The following CEP85 variants were observed in gnomAD, a reference collection of about 807,000 sequenced individuals.
CEP85 encodes centrosomal protein of 85 kDa.
A neutral mutation model predicts 93.7 loss-of-function variants in CEP85; 58 were observed. The ratio of observed to expected loss-of-function variants is 0.62; its 90% CI spans 0.50 to 0.77. The LOEUF is 0.77. CEP85 is among the 30% of genes least tolerant of loss of function. CEP85 has a pLI of 0.00. For missense variants in CEP85, 868 were observed against 922.0 expected, an observed-to-expected ratio of 0.94 and a Z score of 0.76; for synonymous variants, 314 against 338.6, an observed-to-expected ratio of 0.93 and a Z score of 0.80.
rs1192252673 is a variant in CEP85 at position 26,235,567 on chromosome 1, C to CTTTTT, written c.-23+1273_-23+1277dup. On this transcript the variant is annotated intron_variant, in intron 1 of 13. Transcript: ENST00000451429. ...GATGTTCCACACTTAGATTGTAATT[C>CTTTTT]TTTTTTTTTTTTTTTTTTTTGTGAG... 6.6e-3 allele frequency among the ~76,000 whole-genome samples: 633 copies of CTTTTT among 95,380 alleles called. 12 individuals are homozygous for CTTTTT. Among genetic ancestry groups the CTTTTT allele is most frequent in the African/African-American group, 0.013 (299 of 22,680 alleles). The allele number at this position is 95,380 out of a possible 152,430, so 62.6% of individuals were successfully genotyped here.
intron 5 of CEP85, 151 bp from the exon 6 acceptor site, chr1:26,257,992 G>T: frequency 1.4e-6 from 1 of 724,466 alleles, no homozygotes; most frequent in Non-Finnish European, 2.4e-6. Context: ...CATTTCCCCA[G>T]TTATCTTTCT....
chr1:26,264,448 G>A (rs1181394302), intron 7 of CEP85, among the ~76,000 whole-genome samples: 2 of 152,136 alleles, frequency 1.3e-5, no homozygotes, highest in South Asian at 2.1e-4. Flanking sequence ...CAGGAGAATC[G>A]CTTGAACCTG....
chr1:26,252,733 G>A (rs957452034), intron 3 of CEP85, among the ~76,000 whole-genome samples: 2 of 151,948 alleles, frequency 1.3e-5, no homozygotes, highest in African/African-American at 2.4e-5. Context: ...GTTTTGTTAC[G>A]TGTGTGTGTG....
chr1:26,255,883 CT>C lies in CEP85; in HGVS notation c.903+20del. 6.4e-7 allele frequency: 1 copy of C among 1,573,526 alleles called. No homozygotes were observed. The highest frequency in any genetic ancestry group is 8.6e-7 in the Non-Finnish European group (1 of 1,156,468). Reference sequence around the variant, plus strand: ...AAATGCAGGTAGAGGTCTATCTTTCCTTGGATTTTCTAGGTTCTGTACAGTT... The same window carrying C: ...AAATGCAGGTAGAGGTCTATCTTTCCTGGATTTTCTAGGTTCTGTACAGTT... On this transcript the variant is annotated intron_variant, in intron 4 of 13. Transcript: ENST00000451429.
At position 26,243,770 on chromosome 1, in the gene CEP85, C is replaced by T. The variant is rs113160272; in HGVS notation, c.56-396C>T. Among the ~76,000 whole-genome samples the T allele has an allele frequency of 9.2e-3, 1,405 of 152,082 alleles. 19 individuals carry two copies. The highest frequency in any genetic ancestry group is 0.032 in the African/African-American group (1,340 of 41,480). On this transcript the variant is annotated intron_variant, in intron 2 of 13. Coordinates refer to ENST00000451429, the MANE Select transcript of CEP85 (RefSeq NM_001319944.2). ...ATCCCAGCACTTTGGGAGGCCAAGG[C>T]GGGTGGATTATGAGATCAGGAGTTC...
At chr1:26,274,692 G>T (rs1286224462) in intron 11 of CEP85, among the ~76,000 whole-genome samples, 1 of 152,146 alleles carries the variant, frequency 6.6e-6, no homozygotes, top group Non-Finnish European at 1.5e-5. Context: ...CTGGCCATGT[G>T]GAGGGTGGAA....
intron 1 of CEP85, among the ~76,000 whole-genome samples, chr1:26,236,987 A>G (rs2089336731): frequency 1.3e-5 from 2 of 152,220 alleles, no homozygotes; most frequent in South Asian, 2.1e-4. Flanking sequence ...AGTAGGCTTT[A>G]GAGAGAATAG....
At chr1:26,256,219 G>C (rs371150714) in intron 4 of CEP85, among the ~76,000 whole-genome samples, 6 of 152,262 alleles carry the variant, frequency 3.9e-5, no homozygotes, top group East Asian at 3.9e-4. Flanking sequence ...ATCTGTACGG[G>C]GTCATAGAGT....
intron 3 of CEP85, among the ~76,000 whole-genome samples, chr1:26,251,616 G>T (rs1406802406): frequency 6.6e-6 from 1 of 152,070 alleles, no homozygotes; most frequent in African/African-American, 2.4e-5. Context: ...TCTATTATGA[G>T]GCTTCTACCC....
At chr1:26,264,629 C>G (rs1570025566) in intron 7 of CEP85, among the ~76,000 whole-genome samples, 1 of 152,184 alleles carries the variant, frequency 6.6e-6, no homozygotes, top group East Asian at 1.9e-4. Flanking sequence ...CAGACTTAGA[C>G]TACCCTTTTC....
At position 26,259,799 on chromosome 1, in the gene CEP85, A is replaced by G. The variant is rs1257302807; in HGVS notation, c.1338A>G (p.Glu446=). 1.2e-6 allele frequency: 2 copies of G among 1,610,680 alleles called. No individual in the cohort carries two copies. The highest frequency in any genetic ancestry group is 1.7e-5 in the Admixed American group (1 of 59,284). Residue 446 remains glutamate (E), a synonymous_variant, in exon 7 of 14, where the codon GAA becomes GAG. Transcript: ENST00000451429. ...CTGAGGAAGTGAAGAAACAGGAAGA[A>G]AGGGTGAGCTGAGTAGCTGATAGCC... ...KHSEEVKKQE[E]RVKGRDKHIN... is the part of the protein sequence containing the mutation.
chr1:26,269,723 T>A (rs1395481397), intron 9 of CEP85, 109 bp downstream of exon 9: 8 of 824,810 alleles, frequency 9.7e-6, no homozygotes, highest in Middle Eastern at 3.3e-4. Flanking sequence ...TCATTTTACT[T>A]ATCTGAGCTT....
intron 2 of CEP85, among the ~76,000 whole-genome samples, chr1:26,242,539 G>A (rs542301709): frequency 6.6e-6 from 1 of 152,286 alleles, no homozygotes; most frequent in East Asian, 1.9e-4. Context: ...AAGTCAGGTT[G>A]CCTTCAGTAG....
In CEP85 at chr1:26,268,528, C is replaced by T. The variant is rs747297368; in HGVS notation, c.1387C>T (p.Gln463Ter). 6.2e-7 allele frequency: 1 copy of T among 1,613,964 alleles called. No homozygotes were observed. The highest frequency in any genetic ancestry group is 1.3e-5 in the African/African-American group (1 of 74,990). Residue 463 changes from glutamine (Q) to a stop codon, truncating the protein, a stop_gained, in exon 8 of 14, where the codon CAG (glutamine) becomes TAG (stop). Transcript: ENST00000451429. LOFTEE classifies it high-confidence loss of function. ...KHINNLKKKCQKESEQNREKQ... is the reference protein window; with the variant it reads ...KHINNLKKKC ...TATCAATAATTTGAAAAAGAAATGC[C>T]AGAAGGAATCAGAGCAGAACCGGGA... is the stretch of plus-strand genomic sequence containing the variant.
chr1:26,244,239 G>A lies in CEP85; in HGVS notation c.129G>A (p.Arg43=). Residue 43 remains arginine, a synonymous_variant, in exon 3 of 14, where the codon CGG becomes CGA. Coordinates refer to ENST00000451429, the MANE Select transcript of CEP85 (RefSeq NM_001319944.2). The part of the protein sequence containing the change: ...WQTPVISEPF[R]SRFSRCSSVA... The stretch of plus-strand genomic sequence containing the variant: ...CCCCAGTTATCTCGGAGCCCTTTCG[G>A]AGCCGCTTCAGCCGCTGTTCAAGTG... 6.2e-7 allele frequency: 1 copy of A among 1,613,942 alleles called. No homozygotes were observed. The highest frequency in any genetic ancestry group is 8.5e-7 in the Non-Finnish European group (1 of 1,179,994).
intron 2 of CEP85, among the ~76,000 whole-genome samples, chr1:26,242,561 A>G (rs1361152380): frequency 2.0e-5 from 3 of 152,348 alleles, no homozygotes; most frequent in South Asian, 4.1e-4. Flanking sequence ...AAGCCAAAGT[A>G]AGGGTAGCAA....
At chr1:26,266,186 G>A (rs1240117281) in intron 7 of CEP85, among the ~76,000 whole-genome samples, 1 of 151,730 alleles carries the variant, frequency 6.6e-6, no homozygotes, top group African/African-American at 2.4e-5. Context: ...TCCAGCCTGG[G>A]CAACAAGAAT....
At chr1:26,258,320 T>C (rs907905599) in intron 6 of CEP85, 60 bp downstream of exon 6, 31 of 1,055,664 alleles carry the variant, frequency 2.9e-5, no homozygotes, top group South Asian at 1.8e-4. Flanking sequence ...TTCCCTATGC[T>C]TGACACCATT....
Position 26,275,009 on chromosome 1 carries a change from C to A in CEP85, c.1840C>A (p.Leu614Met), listed in dbSNP as rs866613037. The A allele has an allele frequency of 6.3e-7, 1 of 1,586,828 alleles. No homozygotes were observed. The highest frequency in any genetic ancestry group is 2.3e-5 in the East Asian group (1 of 43,332). ...TCAAGAAGAAGGAACAAGCCAGGCC[C>A]TGAGAGAGGAGGCCCAGCGAAGGGA... is the stretch of plus-strand genomic sequence containing the variant. ...VAQEEGTSQA[L>M]REEAQRRDSA... The change falls in exon 12 of 14, where the codon CTG (leucine) becomes ATG (methionine). Residue 614 changes from leucine (L) to methionine (M), a missense_variant. Coordinates refer to ENST00000451429, the MANE Select transcript of CEP85 (RefSeq NM_001319944.2).
Sources: gnomAD v4.1 joint callset for allele counts (sites outside exome capture counted in the v4.1 genomes callset) on GRCh38, gnomAD v4.1.1 for gene constraint, MANE v1.5 for transcripts, NCBI Gene and HGNC (gene_info 2026-07-23, HGNC 2026-07-21) for gene names.